STMN2: variants seen among roughly 807,000 people sequenced by gnomAD.
STMN2 encodes the protein stathmin-2.
STMN2 carries 2 observed loss-of-function variants against 24.1 expected under a neutral mutation model. That is an observed-to-expected ratio of 0.08 (90% confidence interval 0.03 to 0.26). STMN2 has a LOEUF of 0.26. Ranked by LOEUF, STMN2 falls within the 10% of genes least tolerant of loss-of-function variation. The probability of loss-of-function intolerance (pLI) is 1.00; values close to 1 mark genes in which losing one functional copy is unlikely to be tolerated. For synonymous variants in STMN2, 83 were observed against 77.5 expected, an observed-to-expected ratio of 1.07 and a Z score of -0.37; for missense variants, 114 against 213.6, an observed-to-expected ratio of 0.53 and a Z score of 2.91.
Position 79,654,880 on chromosome 8 carries a change from G to A in STMN2, c.298G>A (p.Ala100Thr). 6.2e-7 allele frequency: 1 copy of A among 1,612,432 alleles called. No individual in the cohort carries two copies. Among genetic ancestry groups the A allele is most frequent in the Non-Finnish European group, 8.5e-7 (1 of 1,178,764 alleles). Residue 100 changes from alanine to threonine, a missense_variant, in exon 4 of 5, where the codon GCC (alanine) becomes ACC (threonine). Transcript: ENST00000220876. ...TGTTTTTCTTCCCCAGTCTCAGGAGGCCCAGGTGCTGAAACAATTGGCAGA... is the reference window on the plus strand; with the variant it reads ...TGTTTTTCTTCCCCAGTCTCAGGAGACCCAGGTGCTGAAACAATTGGCAGA... ...AAEERRKSQE[A>T]QVLKQLAEKR... is the part of the protein sequence containing the mutation.
At chr8:79,639,794 T>C (rs1292771094) in intron 2 of STMN2, among the ~76,000 whole-genome samples, 1 of 152,208 alleles carries the variant, frequency 6.6e-6, no homozygotes, top group Non-Finnish European at 1.5e-5. Context: ...AATTCACATA[T>C]GCATTACCTC....
intron 3 of STMN2, among the ~76,000 whole-genome samples, chr8:79,652,377 A>G (rs1271421917): frequency 6.6e-6 from 1 of 151,990 alleles, no homozygotes; most frequent in Non-Finnish European, 1.5e-5. Context: ...GTCTCCTCTT[A>G]TTTCTTTGTG....
intron 1 of STMN2, among the ~76,000 whole-genome samples, chr8:79,622,000 T>C (rs1417974777): frequency 6.6e-6 from 1 of 152,168 alleles, no homozygotes; most frequent in African/African-American, 2.4e-5. Context: ...GTCTTGGAAC[T>C]CAAACGAATG....
At chr8:79,636,727 T>A in intron 1 of STMN2, 75 bp from the exon 2 acceptor site, 1 of 1,335,830 alleles carries the variant, frequency 7.5e-7, no homozygotes, top group Non-Finnish European at 1.1e-6. Flanking sequence ...CAATAATTAT[T>A]ATTCAAATTA....
intron 1 of STMN2, among the ~76,000 whole-genome samples, chr8:79,632,956 C>T (rs16907013): frequency 0.014 from 2,193 of 152,292 alleles, 51 homozygotes; most frequent in African/African-American, 0.05. Context: ...TGTTCAGTGG[C>T]TCCGAATTCA....
intron 2 of STMN2, among the ~76,000 whole-genome samples, chr8:79,637,172 G>A (rs1378978671): frequency 6.6e-6 from 1 of 152,130 alleles, no homozygotes; most frequent in African/African-American, 2.4e-5. Context: ...ATATGTCTAA[G>A]GTCTTTCTTT....
At chr8:79,639,282 C>T (rs1810038649) in intron 2 of STMN2, among the ~76,000 whole-genome samples, 1 of 152,148 alleles carries the variant, frequency 6.6e-6, no homozygotes, top group African/African-American at 2.4e-5. Context: ...TTCTGGGGCA[C>T]TTGAAGATGT....
chr8:79,636,147 G>C (rs1484582644), intron 1 of STMN2, among the ~76,000 whole-genome samples: 1 of 152,144 alleles, frequency 6.6e-6, no homozygotes, highest in Non-Finnish European at 1.5e-5. Flanking sequence ...AGCCCAGGAG[G>C]TGGAGGTTGC....
intron 1 of STMN2, among the ~76,000 whole-genome samples, chr8:79,635,829 C>G (rs566985059): frequency 2.0e-5 from 3 of 152,092 alleles, no homozygotes; most frequent in African/African-American, 7.2e-5. Flanking sequence ...GGGATTTACA[C>G]CCCAAACATC....
chr8:79,618,781 GTTAA>G (rs887319544), intron 1 of STMN2, among the ~76,000 whole-genome samples: 4 of 152,096 alleles, frequency 2.6e-5, no homozygotes, highest in South Asian at 2.1e-4. Context: ...GAGTGTAAAG[GTTAA>G]TTAATGCATT....
intron 1 of STMN2, among the ~76,000 whole-genome samples, chr8:79,636,582 C>T (rs866431529): frequency 5.3e-5 from 8 of 152,140 alleles, no homozygotes; most frequent in Non-Finnish European, 8.8e-5. Flanking sequence ...TGTTATTTAA[C>T]CTGCTATACT....
chr8:79,624,151 CA>C (rs1416443537), intron 1 of STMN2, among the ~76,000 whole-genome samples: 1 of 152,004 alleles, frequency 6.6e-6, no homozygotes, highest in Non-Finnish European at 1.5e-5. Context: ...AGCTATATTA[CA>C]ACTTACCCAA....
chr8:79,655,260 T>C (rs1318849970), intron 4 of STMN2, among the ~76,000 whole-genome samples, 198 bp downstream of exon 4: 1 of 152,162 alleles, frequency 6.6e-6, no homozygotes, highest in Non-Finnish European at 1.5e-5. Flanking sequence ...GAATCCATCA[T>C]GAAAGCTGGA....
At chr8:79,614,157 C>T (rs1809325101) in intron 1 of STMN2, among the ~76,000 whole-genome samples, 1 of 152,140 alleles carries the variant, frequency 6.6e-6, no homozygotes, top group African/African-American at 2.4e-5. Flanking sequence ...CAAACGCAAG[C>T]ATCCTTTCTG....
At chr8:79,627,487 A>C (rs527420181) in intron 1 of STMN2, among the ~76,000 whole-genome samples, 1 of 152,338 alleles carries the variant, frequency 6.6e-6, no homozygotes, top group South Asian at 2.1e-4. Flanking sequence ...AAGAATTCAA[A>C]GGGAGTTCCA....
intron 1 of STMN2, among the ~76,000 whole-genome samples, chr8:79,622,876 C>T (rs945030340): frequency 2.0e-5 from 3 of 152,164 alleles, no homozygotes; most frequent in African/African-American, 4.8e-5. Flanking sequence ...TACACACACA[C>T]AGAACCTCTC....
At chr8:79,644,627 G>A (rs1035151366) in intron 3 of STMN2, among the ~76,000 whole-genome samples, 6 of 152,152 alleles carry the variant, frequency 3.9e-5, no homozygotes, top group Non-Finnish European at 5.9e-5. Flanking sequence ...GAAGAAAATC[G>A]AGGTGTTCTC....
chr8:79,642,444 C>A (rs1362525594), intron 3 of STMN2, among the ~76,000 whole-genome samples: 1 of 152,166 alleles, frequency 6.6e-6, no homozygotes, highest in African/African-American at 2.4e-5. Context: ...AATTCATCCC[C>A]ACATTGTATT....
intron 2 of STMN2, among the ~76,000 whole-genome samples, chr8:79,639,729 C>T (rs539106501): frequency 1.3e-5 from 2 of 151,824 alleles, no homozygotes; most frequent in Non-Finnish European, 2.9e-5. Flanking sequence ...TATATGTTTG[C>T]GGTGTATGGC....
Sources: gnomAD v4.1 joint callset for allele counts (sites outside exome capture counted in the v4.1 genomes callset) on GRCh38, gnomAD v4.1.1 for gene constraint, MANE v1.5 for transcripts, NCBI Gene and HGNC (gene_info 2026-07-23, HGNC 2026-07-21) for gene names.